The following CDH8 variants were observed in gnomAD, a reference collection of about 807,000 sequenced individuals.
CDH8 encodes the protein cadherin 8, also known as cadherin-8.
Under a neutral mutation model 68.1 loss-of-function variants are expected in CDH8, and 17 were observed. That is an observed-to-expected ratio of 0.25 (90% confidence interval 0.17 to 0.37). The LOEUF (loss-of-function observed/expected upper bound fraction) is 0.37. Ranked by LOEUF, CDH8 falls within the 10% of genes least tolerant of loss-of-function variation. The pLI is 1.00. For missense variants in CDH8, 763 were observed against 999.3 expected (o/e 0.76, Z 3.19); for synonymous variants, 372 against 365.1 (o/e 1.02, Z -0.21).
chr16:61,744,611 C>G (rs1041204564), intron 8 of CDH8, among the ~76,000 whole-genome samples: 1 of 151,534 alleles, frequency 6.6e-6, no homozygotes, highest in Non-Finnish European at 1.5e-5. Context: ...TTTTTAAAAT[C>G]AGTTATTTCT....
chr16:61,870,270 A>C (rs1353547033), intron 3 of CDH8, among the ~76,000 whole-genome samples: 1 of 152,212 alleles, frequency 6.6e-6, no homozygotes, highest in Admixed American at 6.5e-5. Flanking sequence ...CCCTTTTGGC[A>C]ATCCATTTAT....
At chr16:61,949,407 G>T (rs1252727228) in intron 2 of CDH8, among the ~76,000 whole-genome samples, 1 of 152,102 alleles carries the variant, frequency 6.6e-6, no homozygotes, top group Non-Finnish European at 1.5e-5. Flanking sequence ...AGTGGGTGGG[G>T]ACAAATAAGA....
chr16:61,735,673 G>A (rs150125879), intron 8 of CDH8, among the ~76,000 whole-genome samples: 248 of 152,188 alleles, frequency 1.6e-3, no homozygotes, highest in Middle Eastern at 3.4e-3. Context: ...TCACTGTATT[G>A]TGGAAGAATA....
At chr16:61,909,371 C>G (rs916113203) in intron 2 of CDH8, among the ~76,000 whole-genome samples, 1 of 152,160 alleles carries the variant, frequency 6.6e-6, no homozygotes, top group East Asian at 1.9e-4. Flanking sequence ...CAAGTGCAAG[C>G]CCTCTATGTG....
intron 3 of CDH8, among the ~76,000 whole-genome samples, chr16:61,863,118 C>T (rs1357663387): frequency 6.6e-6 from 1 of 152,162 alleles, no homozygotes; most frequent in Non-Finnish European, 1.5e-5. Context: ...TAGTATCAAG[C>T]CGAGTATGAA....
intron 2 of CDH8, among the ~76,000 whole-genome samples, chr16:61,945,277 A>G (rs1408758322): frequency 2.0e-5 from 3 of 152,156 alleles, no homozygotes; most frequent in Non-Finnish European, 4.4e-5. Context: ...AATGCACTCT[A>G]TCTTTGTTAA....
intron 8 of CDH8, among the ~76,000 whole-genome samples, chr16:61,758,590 G>A (rs189218984): frequency 1.3e-4 from 20 of 152,122 alleles, no homozygotes; most frequent in East Asian, 3.9e-4. Context: ...ATGCCACCAC[G>A]CCTGGCTTAT....
At chr16:61,812,036 A>G (rs900865573) in intron 7 of CDH8, among the ~76,000 whole-genome samples, 20 of 152,218 alleles carry the variant, frequency 1.3e-4, no homozygotes, top group Admixed American at 1.3e-4. Context: ...AAGATAGTGG[A>G]TCCCTTATTA....
At chr16:61,971,101 C>A (rs1370033865) in intron 2 of CDH8, among the ~76,000 whole-genome samples, 1 of 152,128 alleles carries the variant, frequency 6.6e-6, no homozygotes, top group African/African-American at 2.4e-5. Context: ...ACCCTGCCCG[C>A]AAAACATTGC....
chr16:62,026,488 T>G (rs999295708), intron 1 of CDH8, among the ~76,000 whole-genome samples: 1 of 152,206 alleles, frequency 6.6e-6, no homozygotes, highest in Non-Finnish European at 1.5e-5. Context: ...CTCAGTGGTG[T>G]GGTGGAAGAG....
At chr16:62,011,482 A>G (rs1371259272) in intron 2 of CDH8, among the ~76,000 whole-genome samples, 2 of 152,202 alleles carry the variant, frequency 1.3e-5, no homozygotes, top group Non-Finnish European at 2.9e-5. Context: ...GGGCTTTTCC[A>G]AACACTAGCC....
At chr16:61,957,701 C>G (rs1250884939) in intron 2 of CDH8, among the ~76,000 whole-genome samples, 1 of 152,114 alleles carries the variant, frequency 6.6e-6, no homozygotes, top group East Asian at 1.9e-4. Flanking sequence ...TAACACAGAT[C>G]CTTAGGACTT....
chr16:61,842,387 G>T (rs1962706598), intron 4 of CDH8, among the ~76,000 whole-genome samples: 1 of 151,954 alleles, frequency 6.6e-6, no homozygotes. Flanking sequence ...TATGAGTTTG[G>T]CCCTGTTTTG....
chr16:61,854,083 T>C (rs1329732036), intron 4 of CDH8, among the ~76,000 whole-genome samples: 1 of 151,394 alleles, frequency 6.6e-6, no homozygotes, highest in Admixed American at 6.6e-5. Context: ...AATATACATG[T>C]ATATATGTTT....
chr16:61,862,357 T>C (rs2143018450), intron 3 of CDH8, among the ~76,000 whole-genome samples: 1 of 152,280 alleles, frequency 6.6e-6, no homozygotes, highest in Non-Finnish European at 1.5e-5. Flanking sequence ...TTTCTCATTG[T>C]TATTTGAATG....
At position 61,863,175 on chromosome 16, in the gene CDH8, C is replaced by CT. The variant is rs546970176; in HGVS notation, c.548-5938dup. On this transcript the variant is annotated intron_variant, in intron 3 of 11. Coordinates refer to ENST00000577390, the MANE Select transcript of CDH8 (RefSeq NM_001796.5). ...TCTGCATTAAACAAACTTTTTTTTT[C>CT]TTTTTTGCATTTAGTTTGTTTCACT... Among the ~76,000 whole-genome samples the CT allele has an allele frequency of 1.1e-4, 17 of 151,518 alleles. No individual in the cohort carries two copies. In the East Asian group the frequency reaches 3.1e-3, roughly 28 times the overall value.
intron 8 of CDH8, among the ~76,000 whole-genome samples, chr16:61,744,457 T>C (rs1162450823): frequency 6.6e-6 from 1 of 152,080 alleles, no homozygotes; most frequent in East Asian, 1.9e-4. Context: ...TCAGTCTCTA[T>C]TTATCCTTAT....
chr16:61,694,497 G>C (rs893907626), intron 10 of CDH8, among the ~76,000 whole-genome samples: 1 of 152,070 alleles, frequency 6.6e-6, no homozygotes, highest in African/African-American at 2.4e-5. Context: ...GGGGTGATGG[G>C]GTTTGGTCAT....
chr16:61,859,668 A>G (rs1963115482), intron 3 of CDH8, among the ~76,000 whole-genome samples: 1 of 152,208 alleles, frequency 6.6e-6, no homozygotes, highest in East Asian at 1.9e-4. Flanking sequence ...GTGGATATCA[A>G]CGTTAATTTC....
Sources: gnomAD v4.1 joint callset for allele counts (sites outside exome capture counted in the v4.1 genomes callset) on GRCh38, gnomAD v4.1.1 for gene constraint, MANE v1.5 for transcripts, NCBI Gene and HGNC (gene_info 2026-07-23, HGNC 2026-07-21) for gene names.